The following CCSER1 variants were observed in gnomAD, a reference collection of about 807,000 sequenced individuals.
The protein encoded by CCSER1 is serine-rich coiled-coil domain-containing protein 1.
In CCSER1, 41 loss-of-function variants were observed where a neutral mutation model predicts 82.0. The ratio of observed to expected loss-of-function variants is 0.50; its 90% CI spans 0.39 to 0.65. The LOEUF is 0.65. Ranked by LOEUF, CCSER1 falls within the 30% of genes least tolerant of loss-of-function variation. The pLI is 0.00. For synonymous variants in CCSER1, 414 were observed against 383.9 expected (o/e 1.08, Z -0.92); for missense variants, 1,119 against 1,064.2 (o/e 1.05, Z -0.72).
At chr4:91,052,410 A>G (rs1409355317) in intron 9 of CCSER1, among the ~76,000 whole-genome samples, 1 of 152,090 alleles carries the variant, frequency 6.6e-6, no homozygotes, top group East Asian at 1.9e-4. Flanking sequence ...AGTAACTTAC[A>G]TAAAGCTTTT....
chr4:90,465,523 T>C (rs1337595888), intron 4 of CCSER1, among the ~76,000 whole-genome samples: 2 of 152,158 alleles, frequency 1.3e-5, no homozygotes, highest in Non-Finnish European at 2.9e-5. Flanking sequence ...GGTTTCACTA[T>C]CAGTTTTTAT....
intron 10 of CCSER1, among the ~76,000 whole-genome samples, chr4:91,493,281 A>C (rs965040224): frequency 7.2e-5 from 11 of 151,912 alleles, no homozygotes; most frequent in African/African-American, 2.7e-4. Flanking sequence ...TTCTGAGACT[A>C]TAACTCATCT....
chr4:91,072,725 T>C lies in CCSER1; in HGVS notation c.2173-13225T>C, dbSNP rs539132325. On this transcript the variant is annotated intron_variant, in intron 9 of 10. Coordinates refer to ENST00000509176, the MANE Select transcript of CCSER1 (RefSeq NM_001145065.2). ...TCTGCTTTCTTTGATCTGTATATCC[T>C]TAGGAAAGTTAATTAACCTCTCCTT... is the stretch of plus-strand genomic sequence containing the variant. Among the ~76,000 whole-genome samples, 51 of 152,220 alleles carry C rather than the reference T, an allele frequency of 3.4e-4. 2 individuals are homozygous for C. In the South Asian group the frequency reaches 0.01, roughly 30 times the overall value.
chr4:90,498,370 C>T (rs2175333), intron 5 of CCSER1, among the ~76,000 whole-genome samples: 4,066 of 152,082 alleles, frequency 0.027, 189 homozygotes, highest in African/African-American at 0.093. Flanking sequence ...TGATTGACTG[C>T]GCAGAACTGA....
intron 8 of CCSER1, among the ~76,000 whole-genome samples, chr4:90,823,562 A>G (rs1166208197): frequency 1.3e-5 from 2 of 152,240 alleles, no homozygotes; most frequent in Non-Finnish European, 1.5e-5. Context: ...AACTTGAGAT[A>G]CTTAAATTAT....
intron 1 of CCSER1, among the ~76,000 whole-genome samples, chr4:90,205,037 T>C (rs1422692438): frequency 6.6e-6 from 1 of 152,202 alleles, no homozygotes; most frequent in African/African-American, 2.4e-5. Context: ...TTTTCACACG[T>C]TGATTTTGTA....
At chr4:90,302,452 T>A (rs553656943) in intron 1 of CCSER1, among the ~76,000 whole-genome samples, 1 of 152,230 alleles carries the variant, frequency 6.6e-6, no homozygotes, top group East Asian at 1.9e-4. Flanking sequence ...AGGAAGGGCA[T>A]CCCAAGCTGG....
chr4:90,734,282 C>G (rs898298051), intron 7 of CCSER1, among the ~76,000 whole-genome samples: 1 of 151,832 alleles, frequency 6.6e-6, no homozygotes, highest in East Asian at 1.9e-4. Context: ...CCCACCACCA[C>G]GCCCGGCTAA....
intron 5 of CCSER1, among the ~76,000 whole-genome samples, chr4:90,601,444 C>T (rs1470673486): frequency 2.0e-5 from 3 of 152,072 alleles, no homozygotes; most frequent in African/African-American, 4.8e-5. Flanking sequence ...TCCCTCCCCT[C>T]CGTGCCTCTT....
intron 10 of CCSER1, among the ~76,000 whole-genome samples, chr4:91,094,700 G>A (rs959655303): frequency 9.2e-5 from 14 of 152,108 alleles, no homozygotes; most frequent in South Asian, 2.1e-4. Flanking sequence ...TTGATTGATC[G>A]TCAGCCCTGG....
intron 10 of CCSER1, among the ~76,000 whole-genome samples, chr4:91,585,764 G>A (rs981149423): frequency 2.4e-4 from 37 of 151,428 alleles, no homozygotes; most frequent in African/African-American, 8.5e-4. Context: ...CTCAAAGATG[G>A]CTAATGTTGC....
intron 1 of CCSER1, among the ~76,000 whole-genome samples, chr4:90,192,969 C>A (rs1398828650): frequency 6.6e-6 from 1 of 152,064 alleles, no homozygotes; most frequent in Non-Finnish European, 1.5e-5. Context: ...CCACATATAA[C>A]TGAATCTTAA....
rs1749683103 is a variant in CCSER1, at chr4:91,367,233, C to A, written c.2218-231339C>A. Among the ~76,000 whole-genome samples, 2 of 148,836 alleles carry A rather than the reference C, an allele frequency of 1.3e-5. 1 individual carries two copies. The highest frequency in any genetic ancestry group is 4.9e-5 in the African/African-American group (2 of 40,450). On this transcript the variant is annotated intron_variant, in intron 10 of 10. Transcript: ENST00000509176. ...TTGGGGGGCTGAGGTGGGAGGATCA[C>A]CTGAGCCCAGGAGGTGGAGGTTGCA...
chr4:90,756,733 G>A (rs1291318139), intron 7 of CCSER1, among the ~76,000 whole-genome samples: 1 of 152,078 alleles, frequency 6.6e-6, no homozygotes, highest in Non-Finnish European at 1.5e-5. Flanking sequence ...TGAATTACCA[G>A]GAGACAAGAA....
chr4:90,876,915 G>T (rs1013710093), intron 8 of CCSER1, among the ~76,000 whole-genome samples: 1 of 151,966 alleles, frequency 6.6e-6, no homozygotes, highest in Non-Finnish European at 1.5e-5. Flanking sequence ...ATTTTAACAG[G>T]CAAAATATAA....
intron 3 of CCSER1, among the ~76,000 whole-genome samples, chr4:90,373,396 T>C (rs1014395688): frequency 1.3e-5 from 2 of 152,174 alleles, no homozygotes; most frequent in African/African-American, 4.8e-5. Context: ...GTGGAAAATA[T>C]AGCACTGGAG....
At chr4:90,332,198 A>G (rs1039802571) in intron 3 of CCSER1, among the ~76,000 whole-genome samples, 1 of 151,950 alleles carries the variant, frequency 6.6e-6, no homozygotes, top group Non-Finnish European at 1.5e-5. Context: ...CACTTTAGTT[A>G]TGCCACGTCG....
At chr4:91,344,743 CTACTT>C (rs1157964771) in intron 10 of CCSER1, among the ~76,000 whole-genome samples, 1 of 151,842 alleles carries the variant, frequency 6.6e-6, no homozygotes, top group African/African-American at 2.4e-5. Flanking sequence ...CTGGGAAAAA[CTACTT>C]TAAAGTAAAT....
intron 7 of CCSER1, among the ~76,000 whole-genome samples, chr4:90,774,872 C>T (rs574371881): frequency 6.6e-6 from 1 of 152,144 alleles, no homozygotes; most frequent in East Asian, 1.9e-4. Context: ...TGTTCTTATT[C>T]CAAAAAGACC....
Sources: allele counts gnomAD v4.1 joint callset (sites outside exome capture counted in the v4.1 genomes callset), GRCh38; gene constraint gnomAD v4.1.1; transcripts MANE v1.5; gene names NCBI Gene and HGNC (gene_info 2026-07-23, HGNC 2026-07-21).